KDM4C: variants seen among roughly 807,000 people sequenced by gnomAD.
KDM4C encodes the protein lysine demethylase 4C, also known as lysine-specific demethylase 4C.
Under a neutral mutation model 129.3 loss-of-function variants are expected in KDM4C, and 81 were observed. The ratio of observed to expected loss-of-function variants is 0.63; its 90% CI spans 0.52 to 0.75. The LOEUF (loss-of-function observed/expected upper bound fraction) is 0.75. KDM4C is among the 30% of genes least tolerant of loss of function. The pLI is 0.00. For synonymous variants in KDM4C, 573 were observed against 456.1 expected (o/e 1.26, Z -3.26); for missense variants, 1,457 against 1,304.0 (o/e 1.12, Z -1.81).
At chr9:7,168,530 G>A (rs1198845733) in intron 20 of KDM4C, among the ~76,000 whole-genome samples, 1 of 152,112 alleles carries the variant, frequency 6.6e-6, no homozygotes, top group East Asian at 1.9e-4. Flanking sequence ...CTTTTAAAAT[G>A]TTAAAAACAA....
intron 8 of KDM4C, chr9:6,978,916 C>G (rs1162416841): frequency 6.6e-6 from 1 of 151,556 alleles, no homozygotes; most frequent in Non-Finnish European, 1.5e-5. Flanking sequence ...ATCATCTGAG[C>G]AAACAAGATG....
intron 1 of KDM4C, among the ~76,000 whole-genome samples, chr9:6,763,779 T>C (rs777515992): frequency 6.6e-5 from 10 of 152,188 alleles, no homozygotes; most frequent in Non-Finnish European, 1.2e-4. Flanking sequence ...TTTTTTGAGA[T>C]AGAGTTTCGC....
intron 5 of KDM4C, among the ~76,000 whole-genome samples, chr9:6,865,418 A>G (rs1841774553): frequency 6.6e-6 from 1 of 152,100 alleles, no homozygotes; most frequent in African/African-American, 2.4e-5. Flanking sequence ...GCTTACATAT[A>G]GCTATGTTAT....
At chr9:7,158,833 G>A (rs370633755) in intron 19 of KDM4C, among the ~76,000 whole-genome samples, 1 of 152,188 alleles carries the variant, frequency 6.6e-6, no homozygotes, top group Non-Finnish European at 1.5e-5. Flanking sequence ...TTGGGGTGGA[G>A]AGTCCTGTAG....
chr9:6,789,218 ATTTTTT>A (rs71308871), intron 1 of KDM4C, among the ~76,000 whole-genome samples: 4 of 117,308 alleles, frequency 3.4e-5, no homozygotes, highest in African/African-American at 1.0e-4. Context: ...CGCCTGGCTA[ATTTTTT>A]TTTTTTTTTT....
intron 18 of KDM4C, among the ~76,000 whole-genome samples, chr9:7,118,545 TA>T (rs1839163999): frequency 6.6e-6 from 1 of 152,238 alleles, no homozygotes; most frequent in African/African-American, 2.4e-5. Flanking sequence ...TAGAAATTTT[TA>T]TCAGATGGAT....
intron 19 of KDM4C, among the ~76,000 whole-genome samples, chr9:7,162,211 TTTC>T (rs2130367578): frequency 6.6e-6 from 1 of 152,336 alleles, no homozygotes; most frequent in East Asian, 1.9e-4. Flanking sequence ...GTTTGTTATT[TTTC>T]TTCTTCTATA....
At chr9:7,063,406 C>T (rs1831990581) in intron 17 of KDM4C, among the ~76,000 whole-genome samples, 1 of 152,170 alleles carries the variant, frequency 6.6e-6, no homozygotes, top group African/African-American at 2.4e-5. Context: ...TAATGACCAA[C>T]AGTTCTTTGC....
At chr9:7,157,559 A>G (rs1359585972) in intron 19 of KDM4C, among the ~76,000 whole-genome samples, 1 of 152,236 alleles carries the variant, frequency 6.6e-6, no homozygotes, top group Admixed American at 6.5e-5. Flanking sequence ...AGTTTTTAGC[A>G]TGAAGTGCTG....
intron 8 of KDM4C, among the ~76,000 whole-genome samples, chr9:6,927,432 T>C (rs1390831690): frequency 1.9e-4 from 29 of 152,214 alleles, no homozygotes; most frequent in Non-Finnish European, 8.8e-5. Context: ...GCCCAGCCTC[T>C]TTTTTCTAAC....
At chr9:6,952,486 G>A (rs1828344210) in intron 8 of KDM4C, among the ~76,000 whole-genome samples, 1 of 151,250 alleles carries the variant, frequency 6.6e-6, no homozygotes, top group Non-Finnish European at 1.5e-5. Flanking sequence ...TGTTGCCCAG[G>A]CTGGAGTGCA....
chr9:6,875,001 A>C (rs1843338652), intron 5 of KDM4C, among the ~76,000 whole-genome samples: 1 of 151,764 alleles, frequency 6.6e-6, no homozygotes, highest in Non-Finnish European at 1.5e-5. Context: ...TGACTGAAGT[A>C]GACGTTTGAT....
At chr9:6,848,517 A>G (rs1452361361) in intron 4 of KDM4C, among the ~76,000 whole-genome samples, 2 of 152,068 alleles carry the variant, frequency 1.3e-5, no homozygotes, top group East Asian at 3.9e-4. Context: ...AAAATACGAA[A>G]CATTAGGTGG....
chr9:7,056,575 G>A (rs1830901097), intron 17 of KDM4C, among the ~76,000 whole-genome samples: 1 of 152,160 alleles, frequency 6.6e-6, no homozygotes, highest in African/African-American at 2.4e-5. Flanking sequence ...TGCATGAAAT[G>A]TTATCTTGTT....
chr9:6,997,265 A>G (rs1819934574), intron 12 of KDM4C, among the ~76,000 whole-genome samples: 2 of 152,346 alleles, frequency 1.3e-5, no homozygotes, highest in South Asian at 2.1e-4. Flanking sequence ...CAGGACCAGA[A>G]TGGGCGCAGA....
intron 8 of KDM4C, 37 bp from the exon 9 acceptor site, chr9:6,980,888 G>T: frequency 6.3e-7 from 1 of 1,596,204 alleles, no homozygotes; most frequent in South Asian, 1.1e-5. Flanking sequence ...TATAGTTAGC[G>T]AAACGTTTAA....
At chr9:6,736,241 A>G (rs933878436) in intron 1 of KDM4C, among the ~76,000 whole-genome samples, 1 of 152,218 alleles carries the variant, frequency 6.6e-6, no homozygotes, top group Non-Finnish European at 1.5e-5. Flanking sequence ...ATGCAACAGA[A>G]AAGAAAATCT....
At chr9:6,934,656 G>A (rs1396231741) in intron 8 of KDM4C, among the ~76,000 whole-genome samples, 3 of 151,744 alleles carry the variant, frequency 2.0e-5, no homozygotes, top group Admixed American at 2.0e-4. Context: ...TAGAGATGGG[G>A]TTTCACCATG....
intron 11 of KDM4C, among the ~76,000 whole-genome samples, chr9:6,987,066 A>T (rs999955824): frequency 2.0e-5 from 3 of 152,224 alleles, no homozygotes; most frequent in African/African-American, 7.2e-5. Context: ...CGACATTGAT[A>T]CAGTAAAGAT....
Sources: gnomAD v4.1 joint callset for allele counts (sites outside exome capture counted in the v4.1 genomes callset) on GRCh38, gnomAD v4.1.1 for gene constraint, MANE v1.5 for transcripts, NCBI Gene and HGNC (gene_info 2026-07-23, HGNC 2026-07-21) for gene names.